The following EPB41 variants were observed in gnomAD, a reference collection of about 807,000 sequenced individuals.
EPB41 encodes the protein erythrocyte membrane protein band 4.1.
A neutral mutation model predicts 108.0 loss-of-function variants in EPB41; 65 were observed. That is an observed-to-expected ratio of 0.60 (90% confidence interval 0.49 to 0.74). The LOEUF (loss-of-function observed/expected upper bound fraction) is 0.74. Among genes scored for constraint, EPB41 ranks in the 30% least tolerant of loss-of-function variants. The probability of loss-of-function intolerance (pLI) is 0.00; values close to 1 mark genes in which losing one functional copy is unlikely to be tolerated. For synonymous variants in EPB41, 336 were observed against 358.9 expected (o/e 0.94, Z 0.72); for missense variants, 875 against 1,037.0 (o/e 0.84, Z 2.15).
chr1:29,066,633 G>T (rs1426461851), intron 16 of EPB41, among the ~76,000 whole-genome samples: 1 of 151,952 alleles, frequency 6.6e-6, no homozygotes, highest in Non-Finnish European at 1.5e-5. Context: ...AGCAATTCTA[G>T]TTTAAAAAAG....
chr1:29,099,074 C>T lies in EPB41; in HGVS notation c.2313+1139C>T, dbSNP rs548845576. Among the ~76,000 whole-genome samples, 255 of 148,756 alleles carry T rather than the reference C, an allele frequency of 1.7e-3. 1 individual carries two copies. The highest frequency in any genetic ancestry group is 5.6e-3 in the African/African-American group (227 of 40,546). On this transcript the variant is annotated intron_variant, in intron 17 of 20. Transcript: ENST00000343067. ...CTGTAATACCAGCACTTTGGGAGGC[C>T]GAGGCGGGCAGATCACGAGGTCAGG...
chr1:28,980,918 G>A (rs1469622573), intron 1 of EPB41, among the ~76,000 whole-genome samples: 4 of 150,792 alleles, frequency 2.7e-5, no homozygotes, highest in African/African-American at 4.9e-5. Context: ...GATTACAGAC[G>A]TCCGCCACCA....
intron 5 of EPB41, among the ~76,000 whole-genome samples, chr1:29,014,035 G>C (rs2096544915): frequency 6.6e-6 from 1 of 151,904 alleles, no homozygotes; most frequent in African/African-American, 2.4e-5. Context: ...CCAAGTATAT[G>C]GCCAGTTGCA....
chr1:28,904,903 C>A (rs1337574896), intron 1 of EPB41, among the ~76,000 whole-genome samples: 1 of 151,514 alleles, frequency 6.6e-6, no homozygotes, highest in Non-Finnish European at 1.5e-5. Context: ...TGGTGGGGGG[C>A]GCCTGTAGTC....
chr1:28,941,648 C>T (rs1406390250), intron 1 of EPB41, among the ~76,000 whole-genome samples: 1 of 152,196 alleles, frequency 6.6e-6, no homozygotes, highest in Non-Finnish European at 1.5e-5. Context: ...GTAATCCCAG[C>T]ACTTTGGGAG....
At chr1:28,965,850 A>G (rs1219499876) in intron 1 of EPB41, among the ~76,000 whole-genome samples, 2 of 152,190 alleles carry the variant, frequency 1.3e-5, no homozygotes, top group African/African-American at 2.4e-5. Context: ...TGGGATGACT[A>G]TTAATTCCTT....
At chr1:28,977,389 T>C (rs928485524) in intron 1 of EPB41, among the ~76,000 whole-genome samples, 1 of 123,756 alleles carries the variant, frequency 8.1e-6, no homozygotes, top group African/African-American at 3.8e-5. Flanking sequence ...GTTCAGTATG[T>C]TTTTCTTTTT....
intron 16 of EPB41, chr1:29,069,565 A>C (rs1037239363): frequency 9.5e-6 from 5 of 528,506 alleles, no homozygotes; most frequent in Non-Finnish European, 1.3e-5. Flanking sequence ...GCAAAAACTA[A>C]TTGCTATACT....
At chr1:28,940,692 G>A (rs1372556561) in intron 1 of EPB41, among the ~76,000 whole-genome samples, 2 of 152,102 alleles carry the variant, frequency 1.3e-5, no homozygotes, top group Non-Finnish European at 2.9e-5. Context: ...AATCAAGTCT[G>A]TTGGGGAAAC....
intron 1 of EPB41, among the ~76,000 whole-genome samples, chr1:28,900,263 G>C (rs948204620): frequency 2.6e-5 from 4 of 151,446 alleles, no homozygotes; most frequent in Non-Finnish European, 4.4e-5. Context: ...TTCTAGCTGT[G>C]TGATGTGGGA....
At chr1:28,974,888 G>A (rs1276604177) in intron 1 of EPB41, among the ~76,000 whole-genome samples, 4 of 150,506 alleles carry the variant, frequency 2.7e-5, no homozygotes, top group Non-Finnish European at 4.4e-5. Context: ...TCCGCCTCCC[G>A]GGTTCAAGAG....
At chr1:28,953,291 T>C (rs940200799) in intron 1 of EPB41, among the ~76,000 whole-genome samples, 7 of 150,856 alleles carry the variant, frequency 4.6e-5, no homozygotes, top group African/African-American at 1.7e-4. Context: ...ATGGTAGAGT[T>C]TAATAGGTTT....
chr1:29,092,223 G>A (rs758899259), intron 16 of EPB41, among the ~76,000 whole-genome samples: 53 of 149,256 alleles, frequency 3.6e-4, no homozygotes, highest in Admixed American at 2.4e-3. Context: ...TCAGCCTCCC[G>A]AGTAGCTGGG....
intron 1 of EPB41, among the ~76,000 whole-genome samples, chr1:28,928,803 G>C (rs941334737): frequency 1.3e-5 from 2 of 152,102 alleles, no homozygotes; most frequent in African/African-American, 4.8e-5. Flanking sequence ...GTTAAAGGGG[G>C]TGTCCTTTGT....
Position 28,887,767 on chromosome 1 carries a change from G to T in EPB41, c.-8+557G>T. 2 of 871,430 alleles carry T rather than the reference G, an allele frequency of 2.3e-6. No homozygotes were observed. Among genetic ancestry groups the T allele is most frequent in the Non-Finnish European group, 2.8e-6 (2 of 725,636 alleles). The allele number at this position is 871,430 out of a possible 1,614,324, so 54.0% of individuals were successfully genotyped here. On this transcript the variant is annotated intron_variant, in intron 1 of 16. Coordinates refer to the EPB41 transcript ENST00000347529. This position sits in a 1 kb window ranked among gnomAD's most constrained non-coding sequence, Gnocchi z 4.9. ...CTGGGGCGCCGGCTGTGCCCGCCAG[G>T]GTGGCCCCCCCGGCCGTCGCGCCAG...
intron 2 of EPB41, among the ~76,000 whole-genome samples, chr1:28,991,531 C>A (rs185220117): frequency 7.2e-5 from 11 of 151,734 alleles, no homozygotes; most frequent in Admixed American, 7.2e-4. Flanking sequence ...TGGAGAAACA[C>A]CATCTCTACA....
intron 4 of EPB41, among the ~76,000 whole-genome samples, chr1:29,000,692 C>T (rs138353895): frequency 2.7e-4 from 41 of 152,218 alleles, no homozygotes; most frequent in Admixed American, 1.0e-3. Context: ...GTCAGGGCAT[C>T]GACAGGTCTG....
intron 1 of EPB41, among the ~76,000 whole-genome samples, chr1:28,908,388 C>T (rs1380492068): frequency 1.4e-5 from 2 of 144,894 alleles, no homozygotes; most frequent in African/African-American, 2.6e-5. Flanking sequence ...GGTTACAGGG[C>T]GAGACTCCGT....
chr1:28,975,960 AAG>A lies in EPB41; in HGVS notation c.-7-11469_-7-11468del, dbSNP rs1553205784. On this transcript the variant is annotated intron_variant, in intron 1 of 20. Transcript: ENST00000343067. ...CATCTCAAAAAAAAAAAAAAAAAAA[AAG>A]AAAGAAAGAAAGAAATATGTACATG... Among the ~76,000 whole-genome samples the A allele has an allele frequency of 1.0e-4, 15 of 143,910 alleles. No homozygotes were observed. The South Asian group carries it at 2.9e-3, about 28-fold the overall frequency. The allele number at this position is 143,910 out of a possible 152,430, so 94.4% of individuals were successfully genotyped here.
Sources: gnomAD v4.1 joint callset for allele counts (sites outside exome capture counted in the v4.1 genomes callset) on GRCh38, gnomAD v4.1.1 for gene constraint, Gnocchi (gnomAD v3.1) non-coding constraint, MANE v1.5 for transcripts, NCBI Gene and HGNC (gene_info 2026-07-23, HGNC 2026-07-21) for gene names.